Variants in RFC2 observed in about 807,000 individuals in gnomAD.
RFC2 encodes the protein A1 40 kDa subunit.
RFC2 carries 34 observed loss-of-function variants against 44.8 expected under a neutral mutation model. The observed-to-expected ratio is 0.76, with a 90% CI of 0.58 to 1.01. The LOEUF (loss-of-function observed/expected upper bound fraction) is 1.01. Ranked by LOEUF, RFC2 falls within the 50% of genes least tolerant of loss-of-function variation. The probability of loss-of-function intolerance (pLI) is 0.00; values close to 1 mark genes in which losing one functional copy is unlikely to be tolerated. For missense variants in RFC2, 400 were observed against 453.6 expected (o/e 0.88, Z 1.07); for synonymous variants, 177 against 168.9 (o/e 1.05, Z -0.37).
In RFC2 at chr7:74,238,933, T is replaced by C; in HGVS notation, c.749A>G (p.Asn250Ser). ...FSGFGFINSE[N>S]VFKVCDEPHP... ...CACTAGCGCTTGTACCTTGAACACG[T>C]TCTCACTGTTAATGAAGCCAAATCC... is the stretch of plus-strand genomic sequence containing the variant. The change falls in exon 8 of 11, where the codon AAC becomes AGC. Residue 250 changes from asparagine (N) to serine (S), a missense_variant. Coordinates refer to ENST00000055077, the MANE Select transcript of RFC2 (RefSeq NM_181471.3). This position sits in a 1 kb window ranked among gnomAD's most constrained non-coding sequence, Gnocchi z 4.0. 6.2e-7 allele frequency: 1 copy of C among 1,613,804 alleles called. No homozygotes were observed.
chr7:74,242,239 C>T (rs1803372716), intron 6 of RFC2, among the ~76,000 whole-genome samples: 1 of 152,134 alleles, frequency 6.6e-6, no homozygotes, highest in African/African-American at 2.4e-5. Flanking sequence ...ATCGTGACAC[C>T]GTGCAGGGGA....
intron 10 of RFC2, among the ~76,000 whole-genome samples, 175 bp downstream of exon 10, chr7:74,235,357 T>G (rs1274418056): frequency 6.6e-6 from 1 of 151,796 alleles, no homozygotes; most frequent in Non-Finnish European, 1.5e-5. Context: ...AATTTTTGTA[T>G]TTTTAGTAGA....
intron 9 of RFC2, 26 bp from the exon 10 acceptor site, chr7:74,235,671 G>T: frequency 6.9e-7 from 1 of 1,458,108 alleles, no homozygotes; most frequent in Non-Finnish European, 9.6e-7. Flanking sequence ...AGAAAAGGCT[G>T]CTTACCACTT....
At chr7:74,253,132 G>A (rs926133560) in intron 1 of RFC2, among the ~76,000 whole-genome samples, 2 of 152,228 alleles carry the variant, frequency 1.3e-5, no homozygotes, top group Admixed American at 1.3e-4. Context: ...CGTCACAAGA[G>A]GCCCAGCACA....
chr7:74,247,148 C>G (rs1451882160), intron 4 of RFC2, among the ~76,000 whole-genome samples: 2 of 149,672 alleles, frequency 1.3e-5, no homozygotes, highest in Non-Finnish European at 3.0e-5. Context: ...CCTCATCCTT[C>G]AGTTTTTTAA....
At chr7:74,252,538 T>C (rs782468306) in intron 1 of RFC2, 40 bp from the exon 2 acceptor site, 3 of 1,175,892 alleles carry the variant, frequency 2.6e-6, no homozygotes, top group Non-Finnish European at 3.8e-6. Flanking sequence ...ATGGTTATCT[T>C]CACACTACCC....
chr7:74,242,551 T>C (rs781974721), intron 6 of RFC2, among the ~76,000 whole-genome samples: 3 of 151,912 alleles, frequency 2.0e-5, no homozygotes, highest in Non-Finnish European at 4.4e-5. Flanking sequence ...AAAATATAAA[T>C]TTAAAAACTT....
In RFC2 at chr7:74,249,147, C is replaced by G. The variant is rs529200029; in HGVS notation, c.226-29G>C. ...GGAATGAGATCTCCAGTAAAGACTT[C>G]AAACCACCAGAAGGACCTCAGGTAG... On this transcript the variant is annotated intron_variant, in intron 3 of 10. Transcript: ENST00000055077. 70 of 1,613,464 alleles carry G rather than the reference C, an allele frequency of 4.3e-5. No homozygotes were observed. The South Asian group carries it at 7.2e-4, about 17-fold the overall frequency.
chr7:74,243,023 G>A lies in RFC2; in HGVS notation c.535+123C>T, dbSNP rs1163910203. The stretch of plus-strand genomic sequence containing the variant: ...CACTTGAGCACAGGAGTTTGAGGCT[G>A]CAGTGAGCTGTGATGGCACCACTGC... On this transcript the variant is annotated intron_variant, in intron 6 of 10. Transcript: ENST00000055077. The A allele has an allele frequency of 1.1e-5, 7 of 641,334 alleles. 1 individual carries two copies. Among genetic ancestry groups the A allele is most frequent in the East Asian group, 2.7e-5 (1 of 36,446 alleles). The allele number at this position is 641,334 out of a possible 1,614,324, so 39.7% of individuals were successfully genotyped here. A position where few individuals can be genotyped will look rare whatever the true frequency, so the allele number is the denominator to read the frequency against.
Position 74,254,365 on chromosome 7 carries a change from AGAC to A in RFC2, c.16_18del (p.Val6del), listed in dbSNP as rs1564004183. ...GCCTCCACCTCGCCCGCGCCACCAC[AGAC>A]GGCCTCCACCTCCATTCTCGCGCCT... On this transcript the variant is annotated inframe_deletion, in exon 1 of 11. Coordinates refer to ENST00000055077, the MANE Select transcript of RFC2 (RefSeq NM_181471.3). 2 of 1,607,300 alleles carry A rather than the reference AGAC, an allele frequency of 1.2e-6. No homozygotes were observed. Among genetic ancestry groups the A allele is most frequent in the Non-Finnish European group, 1.7e-6 (2 of 1,176,884 alleles).
chr7:74,252,125 A>G (rs1349854697), intron 2 of RFC2, among the ~76,000 whole-genome samples: 7 of 120,854 alleles, frequency 5.8e-5, no homozygotes, highest in Admixed American at 5.2e-4. Context: ...AAAAAAAAAA[A>G]GGCCAGGTGT....
chr7:74,243,370 A>G (rs1584255314), intron 5 of RFC2, 124 bp from the exon 6 acceptor site: 15 of 672,986 alleles, frequency 2.2e-5, no homozygotes, highest in Non-Finnish European at 2.7e-6. Context: ...CATTGGAAGT[A>G]CGCAGGCCAT....
chr7:74,251,851 A>C (rs1346522213), intron 2 of RFC2, among the ~76,000 whole-genome samples: 1 of 143,474 alleles, frequency 7.0e-6, no homozygotes, highest in Non-Finnish European at 1.5e-5. Context: ...TAATCCCAGC[A>C]CTTTGGGAGG....
In RFC2 at chr7:74,238,368, G is replaced by T. The variant is rs1803140654; in HGVS notation, c.759+555C>A. 6.6e-6 allele frequency among the ~76,000 whole-genome samples: 1 copy of T among 152,164 alleles called. No homozygotes were observed. The highest frequency in any genetic ancestry group is 6.5e-5 in the Admixed American group (1 of 15,272). ...CAGGATGCGGAAGCAGTTTTCAAAA[G>T]AATTCCCAAGAGAAAAATGTTTTGC... is the stretch of plus-strand genomic sequence containing the variant. On this transcript the variant is annotated intron_variant, in intron 8 of 10. Transcript: ENST00000055077. The surrounding 1 kb of genome is among the most constrained non-coding windows in gnomAD (Gnocchi z 4.0).
chr7:74,249,640 G>A, intron 3 of RFC2, 99 bp downstream of exon 3: 2 of 973,954 alleles, frequency 2.1e-6, no homozygotes, highest in Non-Finnish European at 3.3e-6. Context: ...GAATGGGAAG[G>A]GGCTCTCCAG....
Position 74,240,081 on chromosome 7 carries a change from G to A in RFC2, c.550C>T (p.Arg184Cys), listed in dbSNP as rs570710472. 4 of 1,613,904 alleles carry A rather than the reference G, an allele frequency of 2.5e-6. No homozygotes were observed. Among genetic ancestry groups the A allele is most frequent in the South Asian group, 2.2e-5 (2 of 91,060 alleles). The change falls in exon 7 of 11, where the codon CGC (arginine) becomes TGC (cysteine). Residue 184 changes from arginine to cysteine, a missense_variant. Coordinates refer to ENST00000055077, the MANE Select transcript of RFC2 (RefSeq NM_181471.3). Reference protein sequence around the residue: ...SDKIIEPIQSRCAVLRYTKLT... With the variant: ...SDKIIEPIQSCCAVLRYTKLT... ...TTTGTGTACCGGAGGACTGCACAGC[G>A]GGACTGAATGGGCTCTGAACAGAGA... is the stretch of plus-strand genomic sequence containing the variant.
intron 2 of RFC2, among the ~76,000 whole-genome samples, chr7:74,250,671 T>C (rs1425033030): frequency 2.6e-5 from 4 of 152,200 alleles, no homozygotes; most frequent in African/African-American, 9.6e-5. Context: ...TACCACTTTC[T>C]TAAGCCCATT....
chr7:74,240,219 T>C (rs782336023), intron 6 of RFC2, 124 bp from the exon 7 acceptor site: 31 of 819,056 alleles, frequency 3.8e-5, no homozygotes, highest in Admixed American at 1.7e-4. Context: ...AGAGACTTGG[T>C]AGGCCGGACA....
intron 8 of RFC2, 27 bp from the exon 9 acceptor site, chr7:74,237,469 CAGGGGCTAGA>C: frequency 6.6e-7 from 1 of 1,510,074 alleles, no homozygotes; most frequent in Non-Finnish European, 9.0e-7. Context: ...GAAAGGCGGT[CAGGGGCTAGA>C]AGGGACAATG....
Sources: gnomAD v4.1 joint callset for allele counts (sites outside exome capture counted in the v4.1 genomes callset) on GRCh38, gnomAD v4.1.1 for gene constraint, Gnocchi (gnomAD v3.1) non-coding constraint, MANE v1.5 for transcripts, NCBI Gene and HGNC (gene_info 2026-07-23, HGNC 2026-07-21) for gene names.